The following PDE3A variants were observed in gnomAD, a reference collection of about 807,000 sequenced individuals.
PDE3A encodes cGMP-inhibited 3',5'-cyclic phosphodiesterase 3A.
A neutral mutation model predicts 98.3 loss-of-function variants in PDE3A; 43 were observed. The ratio of observed to expected loss-of-function variants is 0.44; its 90% CI spans 0.34 to 0.56. The LOEUF is 0.56. Ranked by LOEUF, PDE3A falls within the 20% of genes least tolerant of loss-of-function variation. PDE3A has a pLI of 0.01. For synonymous variants in PDE3A, 663 were observed against 567.9 expected, an observed-to-expected ratio of 1.17 and a Z score of -2.38; for missense variants, 1,427 against 1,440.7, an observed-to-expected ratio of 0.99 and a Z score of 0.15.
intron 2 of PDE3A, among the ~76,000 whole-genome samples, chr12:20,566,654 T>C (rs995188587): frequency 6.6e-6 from 1 of 151,932 alleles, no homozygotes; most frequent in African/African-American, 2.4e-5. Flanking sequence ...AAAGCTCTAG[T>C]TCTCAAAGGA....
chr12:20,564,473 C>G (rs1942608320), intron 2 of PDE3A, among the ~76,000 whole-genome samples: 1 of 152,084 alleles, frequency 6.6e-6, no homozygotes, highest in Non-Finnish European at 1.5e-5. Flanking sequence ...ATATTCATTT[C>G]ATTGTGAAGT....
Position 20,616,506 on chromosome 12 carries a change from T to C in PDE3A, c.1424+122T>C, listed in dbSNP as rs1944011443. On this transcript the variant is annotated intron_variant, in intron 4 of 15. Coordinates refer to ENST00000359062, the MANE Select transcript of PDE3A (RefSeq NM_000921.5). ...TTTGGTTGGAGGTCAGCTTTGAAGA[T>C]GGAAAGGGTACATGGTTCAAATGCA... is the stretch of plus-strand genomic sequence containing the variant. 1.9e-5 allele frequency: 16 copies of C among 841,874 alleles called. No homozygotes were observed. In the South Asian group the frequency reaches 2.5e-4, roughly 13 times the overall value. The allele number at this position is 841,874 out of a possible 1,614,324, so 52.2% of individuals were successfully genotyped here.
intron 1 of PDE3A, among the ~76,000 whole-genome samples, chr12:20,490,305 C>T (rs1035962981): frequency 6.6e-6 from 1 of 152,144 alleles, no homozygotes; most frequent in Non-Finnish European, 1.5e-5. Flanking sequence ...CTTTACCTAG[C>T]AGGAAAATTA....
At chr12:20,443,166 T>C (rs1295661094) in intron 1 of PDE3A, among the ~76,000 whole-genome samples, 1 of 152,110 alleles carries the variant, frequency 6.6e-6, no homozygotes, top group Non-Finnish European at 1.5e-5. Flanking sequence ...GTTTAATTTG[T>C]CAGCAGTAAC....
At chr12:20,441,604 A>G (rs1944872183) in intron 1 of PDE3A, among the ~76,000 whole-genome samples, 1 of 152,224 alleles carries the variant, frequency 6.6e-6, no homozygotes, top group Non-Finnish European at 1.5e-5. Context: ...GTGGCAGCAG[A>G]TGAACTTGAA....
chr12:20,426,196 C>T (rs1050971768), intron 1 of PDE3A, among the ~76,000 whole-genome samples: 4 of 152,068 alleles, frequency 2.6e-5, no homozygotes, highest in Non-Finnish European at 5.9e-5. Context: ...ACATATTTAT[C>T]CCTCATTCAG....
chr12:20,548,067 GAGA>G (rs775720950), intron 1 of PDE3A, among the ~76,000 whole-genome samples: 3 of 152,060 alleles, frequency 2.0e-5, no homozygotes, highest in Non-Finnish European at 2.9e-5. Context: ...AAAAGACGGA[GAGA>G]AGAATTTATT....
intron 2 of PDE3A, chr12:20,572,086 C>T (rs1942813956): frequency 8.1e-7 from 1 of 1,238,026 alleles, no homozygotes; most frequent in South Asian, 1.4e-5. Flanking sequence ...ATCAGTCTAA[C>T]AGAATCTGAA....
chr12:20,370,410 T>TTTG, intron 1 of PDE3A, 166 bp downstream of exon 1: 2 of 254,236 alleles, frequency 7.9e-6, no homozygotes, highest in East Asian at 1.1e-4. Flanking sequence ...GTTTTTTTTG[T>TTTG]TTTTTTTTTT....
At chr12:20,536,712 A>T (rs931893165) in intron 1 of PDE3A, among the ~76,000 whole-genome samples, 4 of 152,160 alleles carry the variant, frequency 2.6e-5, no homozygotes, top group African/African-American at 9.6e-5. Flanking sequence ...AGTATGTATC[A>T]GTACTACTTC....
Position 20,455,708 on chromosome 12 carries a change from A to G in PDE3A, c.960+85464A>G, listed in dbSNP as rs570967178. On this transcript the variant is annotated intron_variant, in intron 1 of 15. Transcript: ENST00000359062. ...AAGCTTTCTAACCATAAACAAACAG[A>G]TAAACATCATATTAATTGTTCCTCT... is the stretch of plus-strand genomic sequence containing the variant. Among the ~76,000 whole-genome samples the G allele has an allele frequency of 7.9e-5, 12 of 152,332 alleles. No homozygotes were observed. In the East Asian group the frequency reaches 2.3e-3, roughly 29 times the overall value.
intron 1 of PDE3A, among the ~76,000 whole-genome samples, chr12:20,484,534 T>C (rs1945690464): frequency 5.3e-5 from 8 of 152,250 alleles, no homozygotes; most frequent in Admixed American, 5.2e-4. Context: ...AATGTGCTTA[T>C]TCTTTTTCAC....
chr12:20,658,284 T>C (rs1226972780), intron 15 of PDE3A, among the ~76,000 whole-genome samples: 2 of 152,206 alleles, frequency 1.3e-5, no homozygotes, highest in African/African-American at 4.8e-5. Flanking sequence ...TTTGCCTATG[T>C]CCCAGTTCTT....
At chr12:20,499,404 CT>C (rs1216413561) in intron 1 of PDE3A, among the ~76,000 whole-genome samples, 2 of 152,122 alleles carry the variant, frequency 1.3e-5, no homozygotes, top group African/African-American at 4.8e-5. Flanking sequence ...TACAATTTGA[CT>C]GTGGATTGTG....
At chr12:20,638,479 G>A (rs1281799474) in intron 9 of PDE3A, among the ~76,000 whole-genome samples, 1 of 152,130 alleles carries the variant, frequency 6.6e-6, no homozygotes, top group African/African-American at 2.4e-5. Flanking sequence ...TGAGAGTCCT[G>A]TTCCTCTTCC....
At chr12:20,516,371 G>A (rs1337138148) in intron 1 of PDE3A, among the ~76,000 whole-genome samples, 1 of 152,086 alleles carries the variant, frequency 6.6e-6, no homozygotes, top group African/African-American at 2.4e-5. Context: ...ACATGTAAAA[G>A]AAAAATAGAT....
At chr12:20,554,688 G>A (rs932337494) in intron 1 of PDE3A, among the ~76,000 whole-genome samples, 7 of 151,706 alleles carry the variant, frequency 4.6e-5, no homozygotes, top group African/African-American at 1.7e-4. Context: ...TCAGGTTCAA[G>A]CGATTCTCCT....
At chr12:20,531,688 G>GT (rs1474121372) in intron 1 of PDE3A, among the ~76,000 whole-genome samples, 1 of 152,098 alleles carries the variant, frequency 6.6e-6, no homozygotes, top group Non-Finnish European at 1.5e-5. Context: ...AAATTGCACT[G>GT]TAACTATTTC....
intron 2 of PDE3A, among the ~76,000 whole-genome samples, chr12:20,566,147 A>C (rs1942649163): frequency 6.6e-6 from 1 of 151,952 alleles, no homozygotes; most frequent in South Asian, 2.1e-4. Flanking sequence ...ACAAAAATGA[A>C]ACTTCTTGTC....
Sources: allele counts gnomAD v4.1 joint callset (sites outside exome capture counted in the v4.1 genomes callset), GRCh38; gene constraint gnomAD v4.1.1; transcripts MANE v1.5; gene names NCBI Gene and HGNC (gene_info 2026-07-23, HGNC 2026-07-21).